HHIP: variants seen among roughly 807,000 people sequenced by gnomAD.
HHIP encodes hedgehog-interacting protein.
HHIP carries 12 observed loss-of-function variants against 74.0 expected under a neutral mutation model. That is an observed-to-expected ratio of 0.16 (90% confidence interval 0.10 to 0.26). The LOEUF is 0.26. HHIP is among the 10% of genes least tolerant of loss of function. The pLI is 1.00. For missense variants in HHIP, 788 were observed against 845.0 expected (o/e 0.93, Z 0.84); for synonymous variants, 309 against 311.6 (o/e 0.99, Z 0.09).
chr4:144,711,049 T>TA, intron 7 of HHIP, among the ~76,000 whole-genome samples: 1 of 151,044 alleles, frequency 6.6e-6, no homozygotes, highest in South Asian at 2.1e-4. Context: ...TTGCAAGTCC[T>TA]CCCCTTATGG....
chr4:144,681,675 G>A (rs7665268), intron 4 of HHIP, among the ~76,000 whole-genome samples: 59,070 of 151,950 alleles, frequency 0.39, 13,389 homozygotes, highest in South Asian at 0.52. Context: ...TTCCCGCCTC[G>A]GCCTCCCAAC....
rs199947660 is a variant in HHIP, at chr4:144,652,752, G to T, written c.427G>T (p.Asp143Tyr). ...RDLVLPLLCKDYCKEFFYTCR... is the reference protein window; with the variant it reads ...RDLVLPLLCKYYCKEFFYTCR... ...CCTAGTACTTCCTCTGCTCTGCAAA[G>T]ACTATTGCAAAGAATTCTTTTACAC... is the stretch of plus-strand genomic sequence containing the variant. Residue 143 changes from aspartate (D) to tyrosine (Y), a missense_variant, in exon 2 of 13, where the codon GAC becomes TAC. Asp to Tyr is a radical substitution (Grantham distance 160). Around this residue, in one of 3 missense-constraint regions of HHIP, gnomAD observed 373 missense variants for 366.4 expected, o/e 1.02. Transcript: ENST00000296575. 7.6e-5 allele frequency: 122 copies of T among 1,605,974 alleles called. No individual in the cohort carries two copies. Among genetic ancestry groups the T allele is most frequent in the Non-Finnish European group, 9.7e-5 (114 of 1,177,828 alleles).
intron 2 of HHIP, among the ~76,000 whole-genome samples, chr4:144,654,198 CA>C (rs1728500148): frequency 6.6e-6 from 1 of 151,988 alleles, no homozygotes; most frequent in Non-Finnish European, 1.5e-5. Flanking sequence ...CTTCCAAAAA[CA>C]ATAAAATAAA....
Position 144,730,927 on chromosome 4 carries a change from C to T in HHIP, c.1761-3814C>T, listed in dbSNP as rs981491645. On this transcript the variant is annotated intron_variant, in intron 11 of 12. Coordinates refer to ENST00000296575, the MANE Select transcript of HHIP (RefSeq NM_022475.3). ...GAATTTTAATGTGTTGACTTAATTCCCATCTGTAAGAGAAGACAATCCTCT... is the reference window on the plus strand; with the variant it reads ...GAATTTTAATGTGTTGACTTAATTCTCATCTGTAAGAGAAGACAATCCTCT... Among the ~76,000 whole-genome samples the T allele has an allele frequency of 1.6e-4, 25 of 152,056 alleles. 1 individual carries two copies. The highest frequency in any genetic ancestry group is 1.6e-3 in the Admixed American group (25 of 15,260).
At position 144,659,546 on chromosome 4, in the gene HHIP, T is replaced by A. The variant is rs1298718844; in HGVS notation, c.630-91T>A. 3.8e-6 allele frequency: 3 copies of A among 789,742 alleles called. No homozygotes were observed. In the African/African-American group the frequency reaches 5.4e-5, roughly 14 times the overall value. The allele number at this position is 789,742 out of a possible 1,614,324, so 48.9% of individuals were successfully genotyped here. Reference sequence around the variant, plus strand: ...TCATGGTTCTCAAAACCATGATTCCTAGAGGAAATAGAGTTTGAAAAGGAT... The same window carrying A: ...TCATGGTTCTCAAAACCATGATTCCAAGAGGAAATAGAGTTTGAAAAGGAT... On this transcript the variant is annotated intron_variant, in intron 3 of 12. Transcript: ENST00000296575.
At chr4:144,690,915 A>G (rs1729641730) in intron 4 of HHIP, among the ~76,000 whole-genome samples, 1 of 152,140 alleles carries the variant, frequency 6.6e-6, no homozygotes, top group African/African-American at 2.4e-5. Flanking sequence ...ATTTAGATTT[A>G]TATCAGGCAA....
At chr4:144,647,243 G>C (rs562586590) in intron 1 of HHIP, 1 of 360,982 alleles carries the variant, frequency 2.8e-6, no homozygotes, top group Non-Finnish European at 5.0e-6. Context: ...TATTTTAAAA[G>C]AATCGCGATG....
At chr4:144,731,182 T>A (rs1055454674) in intron 11 of HHIP, among the ~76,000 whole-genome samples, 4 of 152,148 alleles carry the variant, frequency 2.6e-5, no homozygotes, top group African/African-American at 9.7e-5. Context: ...GCCCATATTT[T>A]CCTAATATCT....
chr4:144,723,682 T>C (rs1166483524), intron 11 of HHIP, among the ~76,000 whole-genome samples: 1 of 152,234 alleles, frequency 6.6e-6, no homozygotes, highest in African/African-American at 2.4e-5. Context: ...GGTGTTTTCA[T>C]GGCCACCCTG....
intron 4 of HHIP, among the ~76,000 whole-genome samples, chr4:144,670,058 C>T (rs1325830636): frequency 1.3e-5 from 2 of 150,968 alleles, no homozygotes; most frequent in Admixed American, 6.6e-5. Context: ...GCAGGAGAAT[C>T]GCTTGAACCC....
At chr4:144,716,854 G>GAACAAAAAA (rs1730461668) in intron 10 of HHIP, among the ~76,000 whole-genome samples, 1 of 54,656 alleles carries the variant, frequency 1.8e-5, no homozygotes, top group Non-Finnish European at 3.4e-5. Flanking sequence ...CGTCTCAAAA[G>GAACAAAAAA]AAAAAAAAAA....
chr4:144,676,817 C>T (rs1044302705), intron 4 of HHIP, among the ~76,000 whole-genome samples: 4 of 152,010 alleles, frequency 2.6e-5, no homozygotes, highest in Non-Finnish European at 5.9e-5. Context: ...TGATGTATGC[C>T]GTAAGGAAGG....
intron 1 of HHIP, among the ~76,000 whole-genome samples, chr4:144,650,126 G>A (rs1383108211): frequency 6.6e-6 from 1 of 152,052 alleles, no homozygotes; most frequent in Non-Finnish European, 1.5e-5. Context: ...TAGTTACTTG[G>A]TAAATAAAGA....
At chr4:144,666,832 C>G (rs1728877036) in intron 4 of HHIP, among the ~76,000 whole-genome samples, 4 of 152,160 alleles carry the variant, frequency 2.6e-5, no homozygotes, top group Admixed American at 2.6e-4. Context: ...TGGCCTTGGG[C>G]AAGTTGTTTA....
chr4:144,690,362 A>T (rs1729614064), intron 4 of HHIP, among the ~76,000 whole-genome samples: 1 of 152,204 alleles, frequency 6.6e-6, no homozygotes, highest in African/African-American at 2.4e-5. Flanking sequence ...ATATGATGGT[A>T]GTATGGTGTC....
intron 8 of HHIP, 121 bp downstream of exon 8, chr4:144,712,192 C>T (rs1298849393): frequency 2.4e-6 from 2 of 835,044 alleles, no homozygotes; most frequent in African/African-American, 3.4e-5. Context: ...AAACACTGGC[C>T]TAACAATCAT....
At position 144,716,854 on chromosome 4, in the gene HHIP, G is replaced by GAA. The variant is rs869028218; in HGVS notation, c.1678+1457_1678+1458dup. Among the ~76,000 whole-genome samples the GAA allele has an allele frequency of 2.9e-3, 161 of 54,658 alleles. 5 individuals carry two copies. Among genetic ancestry groups the GAA allele is most frequent in the East Asian group, 4.1e-3 (6 of 1,450 alleles). The allele number at this position is 54,658 out of a possible 152,430, so 35.9% of individuals were successfully genotyped here. On this transcript the variant is annotated intron_variant, in intron 10 of 12. Coordinates refer to ENST00000296575, the MANE Select transcript of HHIP (RefSeq NM_022475.3). ...ACATGAGCAAAACTCCGTCTCAAAA[G>GAA]AAAAAAAAAAAAAAAAAAAAAAAAA...
chr4:144,699,313 C>T (rs1036364442), intron 4 of HHIP, among the ~76,000 whole-genome samples: 6 of 152,036 alleles, frequency 3.9e-5, no homozygotes, highest in South Asian at 2.1e-4. Context: ...ATGAAGGATA[C>T]GACTCAGGAA....
chr4:144,659,018 A>G, intron 3 of HHIP, 72 bp downstream of exon 3: 2 of 1,247,940 alleles, frequency 1.6e-6, no homozygotes, highest in Non-Finnish European at 2.3e-6. Context: ...TTTGACAGTG[A>G]ATCAACTGTC....
Sources: gnomAD v4.1 joint callset for allele counts (sites outside exome capture counted in the v4.1 genomes callset) on GRCh38, gnomAD v4.1.1 for gene constraint, gnomAD v4.1.1 regional missense constraint, MANE v1.5 for transcripts, NCBI Gene and HGNC (gene_info 2026-07-23, HGNC 2026-07-21) for gene names.